ANKS1B: variants seen among roughly 807,000 people sequenced by gnomAD.
ANKS1B encodes ankyrin repeat and sterile alpha motif domain-containing protein 1B.
In ANKS1B, 36 loss-of-function variants were observed where a neutral mutation model predicts 148.3. That is an observed-to-expected ratio of 0.24 (90% CI 0.19 to 0.32). The LOEUF is 0.32. ANKS1B is among the 10% of genes least tolerant of loss of function. ANKS1B has a pLI of 1.00. For synonymous variants in ANKS1B, 542 were observed against 560.8 expected (o/e 0.97, Z 0.47); for missense variants, 1,157 against 1,542.6 (o/e 0.75, Z 4.19).
intron 14 of ANKS1B, among the ~76,000 whole-genome samples, chr12:99,212,233 G>A (rs112149500): frequency 4.3e-4 from 66 of 152,342 alleles, no homozygotes; most frequent in Non-Finnish European, 8.2e-4. Flanking sequence ...TAGCCTGGGA[G>A]TTAAAAGTTT....
intron 9 of ANKS1B, among the ~76,000 whole-genome samples, chr12:99,581,743 T>A (rs1457858373): frequency 6.7e-6 from 1 of 149,694 alleles, no homozygotes; most frequent in Non-Finnish European, 1.5e-5. Flanking sequence ...ACAAAAAAAT[T>A]AGCCGGGCGC....
Position 99,186,881 on chromosome 12 carries a change from G to A in ANKS1B, c.2420-32486C>T, listed in dbSNP as rs539905687. On this transcript the variant is annotated intron_variant, in intron 14 of 26. Coordinates refer to ENST00000683438, the MANE Select transcript of ANKS1B (RefSeq NM_001352186.2). ...AAACTGGATGGAGAATGAGTTTGAC[G>A]AATTGACAGAAGTAGGCTTCAGAAG... 3.6e-4 allele frequency among the ~76,000 whole-genome samples: 54 copies of A among 151,912 alleles called. No individual in the cohort carries two copies. The East Asian group carries it at 4.9e-3, about 14-fold the overall frequency.
chr12:99,753,369 G>C (rs1339279244), intron 8 of ANKS1B, among the ~76,000 whole-genome samples: 1 of 152,134 alleles, frequency 6.6e-6, no homozygotes, highest in African/African-American at 2.4e-5. Context: ...TGGCAGGAAG[G>C]AGAACAGAAA....
At chr12:99,845,294 G>T (rs962940455) in intron 1 of ANKS1B, among the ~76,000 whole-genome samples, 1 of 152,154 alleles carries the variant, frequency 6.6e-6, no homozygotes, top group African/African-American at 2.4e-5. Context: ...GAGCATCTTT[G>T]TCTTGTGCTG....
chr12:99,652,408 G>A (rs1285513223), intron 9 of ANKS1B, among the ~76,000 whole-genome samples: 1 of 152,000 alleles, frequency 6.6e-6, no homozygotes, highest in Non-Finnish European at 1.5e-5. Flanking sequence ...GGGAGGCAGA[G>A]GTTGCAGTGA....
chr12:99,270,831 T>C (rs1018311313), intron 12 of ANKS1B, among the ~76,000 whole-genome samples: 2 of 152,190 alleles, frequency 1.3e-5, no homozygotes, highest in Admixed American at 6.5e-5. Flanking sequence ...TTTAAGTAGT[T>C]CAAAAAAGAA....
chr12:99,414,849 C>A (rs1159022125), intron 11 of ANKS1B, among the ~76,000 whole-genome samples: 1 of 152,192 alleles, frequency 6.6e-6, no homozygotes, highest in South Asian at 2.1e-4. Flanking sequence ...CTTTTCAGGG[C>A]AACTTGTCAA....
intron 15 of ANKS1B, among the ~76,000 whole-genome samples, chr12:99,112,082 C>A (rs1235520697): frequency 6.6e-6 from 1 of 152,048 alleles, no homozygotes; most frequent in Non-Finnish European, 1.5e-5. Flanking sequence ...TCTCATTAGG[C>A]AGGACAGATA....
chr12:98,961,312 C>G (rs2099871008), intron 17 of ANKS1B, among the ~76,000 whole-genome samples: 1 of 152,104 alleles, frequency 6.6e-6, no homozygotes, highest in East Asian at 1.9e-4. Context: ...ACCTTACAGG[C>G]CAGGAGAAAC....
At chr12:99,168,707 C>T (rs7306178) in intron 14 of ANKS1B, among the ~76,000 whole-genome samples, 30,915 of 151,804 alleles carry the variant, frequency 0.2, 3,528 homozygotes, top group East Asian at 0.39. Flanking sequence ...CTCTAGGCAG[C>T]GGGAACAGTA....
intron 8 of ANKS1B, among the ~76,000 whole-genome samples, chr12:99,667,664 C>T (rs2098516204): frequency 6.6e-6 from 1 of 152,108 alleles, no homozygotes; most frequent in Non-Finnish European, 1.5e-5. Context: ...AGCCTTTCAA[C>T]ATTATGAAGT....
At chr12:99,293,350 G>A (rs545825776) in intron 12 of ANKS1B, among the ~76,000 whole-genome samples, 4 of 151,946 alleles carry the variant, frequency 2.6e-5, no homozygotes, top group Admixed American at 6.6e-5. Context: ...GGGGCCTGTC[G>A]GGGGGTGGGG....
intron 2 of ANKS1B, among the ~76,000 whole-genome samples, chr12:99,819,141 C>A (rs1324743178): frequency 6.6e-6 from 1 of 151,854 alleles, no homozygotes; most frequent in African/African-American, 2.4e-5. Context: ...TTCAGATTTT[C>A]TTGACACTTT....
chr12:98,769,090 A>G (rs1267592704), intron 25 of ANKS1B, among the ~76,000 whole-genome samples: 1 of 151,768 alleles, frequency 6.6e-6, no homozygotes, highest in Non-Finnish European at 1.5e-5. Flanking sequence ...CAGTAACTTC[A>G]CAATTAAAAA....
chr12:99,593,776 T>C (rs1028762135), intron 9 of ANKS1B, among the ~76,000 whole-genome samples: 6 of 152,252 alleles, frequency 3.9e-5, no homozygotes, highest in African/African-American at 1.4e-4. Flanking sequence ...GTTGTGACAA[T>C]AGCATTTAAA....
chr12:99,339,628 C>G (rs889598403), intron 12 of ANKS1B, among the ~76,000 whole-genome samples: 1 of 152,136 alleles, frequency 6.6e-6, no homozygotes, highest in Non-Finnish European at 1.5e-5. Flanking sequence ...TTTCTTCAAG[C>G]TTTTAGAAAG....
intron 8 of ANKS1B, among the ~76,000 whole-genome samples, chr12:99,720,433 A>G (rs1368691704): frequency 1.3e-5 from 2 of 152,174 alleles, no homozygotes; most frequent in Admixed American, 1.3e-4. Context: ...ATACAGTCCA[A>G]TAGCAGACCA....
intron 14 of ANKS1B, among the ~76,000 whole-genome samples, chr12:99,228,487 A>C (rs547007407): frequency 6.6e-6 from 1 of 152,236 alleles, no homozygotes; most frequent in South Asian, 2.1e-4. Flanking sequence ...AATGAGTGGA[A>C]GCATATACAC....
rs576966398 is a variant in ANKS1B, at chr12:99,414,311, G to A, written c.1576-14500C>T. 2.0e-5 allele frequency among the ~76,000 whole-genome samples: 3 copies of A among 152,004 alleles called. No homozygotes were observed. In the East Asian group the frequency reaches 5.8e-4, roughly 29 times the overall value. The stretch of plus-strand genomic sequence containing the variant: ...AGGCCTTAAGTGAGCCTGACATTTT[G>A]CTGGCCCCAGTAAAATTGAACTCTT... On this transcript the variant is annotated intron_variant, in intron 11 of 26. Coordinates refer to ENST00000683438, the MANE Select transcript of ANKS1B (RefSeq NM_001352186.2).
Sources: allele counts gnomAD v4.1 joint callset (sites outside exome capture counted in the v4.1 genomes callset), GRCh38; gene constraint gnomAD v4.1.1; transcripts MANE v1.5; gene names NCBI Gene and HGNC (gene_info 2026-07-23, HGNC 2026-07-21).